Variants in DST observed in about 807,000 individuals in gnomAD.
DST encodes the protein bullous pemphigoid antigen.
DST carries 253 observed loss-of-function variants against 875.2 expected under a neutral mutation model. The ratio of observed to expected loss-of-function variants is 0.29; its 90% confidence interval spans 0.26 to 0.32. The LOEUF is 0.32. Among genes scored for constraint, DST ranks in the 10% least tolerant of loss-of-function variants. DST has a pLI of 1.00. For synonymous variants in DST, 3,124 were observed against 3,197.1 expected (o/e 0.98, Z 0.77); for missense variants, 8,287 against 9,111.6 (o/e 0.91, Z 3.68).
intron 2 of DST, among the ~76,000 whole-genome samples, chr6:56,949,056 T>A: frequency 6.6e-6 from 1 of 152,236 alleles, no homozygotes; most frequent in East Asian, 1.9e-4. Context: ...CATATTCTTA[T>A]AATCCTTACA....
rs77505607 is a variant in DST, at chr6:56,485,926, G to T, written c.21048-455C>A. Among the ~76,000 whole-genome samples, 1,468 of 152,082 alleles carry T rather than the reference G, an allele frequency of 9.7e-3. 31 individuals are homozygous for T. Among genetic ancestry groups the T allele is most frequent in the East Asian group, 0.065 (333 of 5,156 alleles). On this transcript the variant is annotated intron_variant, in intron 87 of 103. Transcript: ENST00000680361. ...CCTCGTGCTGTCTCTTTATAGACAC[G>T]CCCTGCCCCCGCCTTCAAACCCCTA...
At chr6:56,519,358 G>A (rs2096652602) in intron 69 of DST, among the ~76,000 whole-genome samples, 1 of 152,078 alleles carries the variant, frequency 6.6e-6, no homozygotes, top group Admixed American at 6.6e-5. Context: ...AAGGACAAAT[G>A]GGGGGCCTAC....
intron 36 of DST, chr6:56,616,455 T>C: frequency 1.2e-6 from 2 of 1,614,162 alleles, no homozygotes; most frequent in Non-Finnish European, 1.7e-6. Context: ...ACAGAAATTC[T>C]ATGTGTTTTC....
At chr6:56,705,502 C>T (rs2099329523) in intron 5 of DST, among the ~76,000 whole-genome samples, 1 of 152,186 alleles carries the variant, frequency 6.6e-6, no homozygotes, top group South Asian at 2.1e-4. Flanking sequence ...GTCTCTCAGT[C>T]CCCAAAAATA....
intron 49 of DST, among the ~76,000 whole-genome samples, chr6:56,587,147 A>C (rs992093158): frequency 6.6e-6 from 1 of 152,114 alleles, no homozygotes; most frequent in Non-Finnish European, 1.5e-5. Context: ...AAAGGCAAAG[A>C]AGTTGAAAAC....
chr6:56,541,740 G>A (rs1185661231), intron 61 of DST, among the ~76,000 whole-genome samples: 1 of 152,148 alleles, frequency 6.6e-6, no homozygotes, highest in Non-Finnish European at 1.5e-5. Flanking sequence ...AAGGTCATCA[G>A]CAGTGCATCA....
intron 15 of DST, among the ~76,000 whole-genome samples, chr6:56,643,431 G>A: frequency 6.6e-6 from 1 of 152,174 alleles, no homozygotes; most frequent in East Asian, 1.9e-4. Flanking sequence ...CACGCTCCCA[G>A]TAATGTTACT....
chr6:56,483,527 CTTTTTTTTTTTTTTTTTTT>C (rs138042978), intron 88 of DST: 1 of 60,042 alleles, frequency 1.7e-5, no homozygotes, highest in African/African-American at 7.6e-5. Flanking sequence ...TCTGGGTTTG[CTTTTTTTTTTTTTTTTTTT>C]TTTTTTTTTT....
intron 72 of DST, 76 bp from the exon 73 acceptor site, chr6:56,511,476 TC>T: frequency 7.9e-7 from 1 of 1,266,980 alleles, no homozygotes; most frequent in Non-Finnish European, 1.1e-6. Flanking sequence ...CTGCAATGCA[TC>T]CAGCTGGCAA....
Position 56,609,065 on chromosome 6 carries a change from C to T in DST, c.5563G>A (p.Val1855Ile), listed in dbSNP as rs776657668. The T allele has an allele frequency of 2.5e-6, 4 of 1,613,862 alleles. No individual in the cohort carries two copies. In the South Asian group the frequency reaches 3.3e-5, roughly 13 times the overall value. Residue 1855 changes from valine (V) to isoleucine (I), a missense_variant, in exon 40 of 104, where the codon GTA becomes ATA. Val to Ile is a conservative substitution (Grantham distance 29). Around this residue, in one of 10 missense-constraint regions of DST, gnomAD observed 3,138 missense variants for 3,116.6 expected, o/e 1.01. Transcript: ENST00000680361. Reference sequence around the variant, plus strand: ...ATGCTTTGAGCTAGAGCATCCAGTACTGGAATTGTGGTAGGTGACGCAGCA... The same window carrying T: ...ATGCTTTGAGCTAGAGCATCCAGTATTGGAATTGTGGTAGGTGACGCAGCA... ...ISAASPTTIP[V>I]LDALAQSMIT...
At chr6:56,630,108 T>C in intron 31 of DST, 137 bp downstream of exon 31, 1 of 706,780 alleles carries the variant, frequency 1.4e-6, no homozygotes, top group East Asian at 2.6e-5. Flanking sequence ...GAGTAAACTG[T>C]GAGATCACAG....
intron 56 of DST, among the ~76,000 whole-genome samples, chr6:56,561,927 T>G (rs1449897474): frequency 6.6e-6 from 1 of 152,118 alleles, no homozygotes; most frequent in African/African-American, 2.4e-5. Flanking sequence ...AGTGTCAAAC[T>G]GAACAACTTG....
intron 4 of DST, among the ~76,000 whole-genome samples, chr6:56,824,824 G>C (rs887827201): frequency 6.6e-6 from 1 of 152,122 alleles, no homozygotes; most frequent in African/African-American, 2.4e-5. Context: ...CGCCCCGTCT[G>C]AGAAGTGAGG....
chr6:56,597,298 T>C (rs555759771), intron 47 of DST, among the ~76,000 whole-genome samples: 20 of 151,896 alleles, frequency 1.3e-4, no homozygotes, highest in South Asian at 4.2e-4. Context: ...AGAGTGAACA[T>C]ATGGCCTAGT....
At chr6:56,886,716 G>A (rs1784813003) in intron 3 of DST, among the ~76,000 whole-genome samples, 4 of 150,804 alleles carry the variant, frequency 2.7e-5, no homozygotes, top group Admixed American at 2.6e-4. Flanking sequence ...TGGAGTTTGC[G>A]GTGAGCCGGA....
intron 87 of DST, among the ~76,000 whole-genome samples, chr6:56,486,362 CAAAAAAAAAAA>C (rs61164880): frequency 4.1e-4 from 14 of 34,042 alleles, no homozygotes; most frequent in South Asian, 3.5e-3. Flanking sequence ...GACTCCGTCT[CAAAAAAAAAAA>C]AAAAAAAAAA....
At position 56,920,895 on chromosome 6, in the gene DST, AT is replaced by A. The variant is rs35394550; in HGVS notation, c.217-20275del. On this transcript the variant is annotated intron_variant, in intron 2 of 103. Transcript: ENST00000680361. ...AGGAACACACAACCACGCCCAGCTA[AT>A]TTTTTTTTTTTTTTTTTTTTTTTTT... 5.0e-3 allele frequency among the ~76,000 whole-genome samples: 300 copies of A among 59,682 alleles called. 1 individual carries two copies. Among genetic ancestry groups the A allele is most frequent in the Middle Eastern group, 0.014 (1 of 70 alleles). 39.2% of individuals were successfully genotyped at this position (59,682 alleles called of 152,430 possible).
intron 36 of DST, among the ~76,000 whole-genome samples, chr6:56,623,382 T>C (rs2098707322): frequency 6.6e-6 from 1 of 152,178 alleles, no homozygotes; most frequent in South Asian, 2.1e-4. Context: ...ACTAAAAATA[T>C]AAGAAAATTA....
At position 56,843,731 on chromosome 6, in the gene DST, A is replaced by AGG. The variant is rs2099803627; in HGVS notation, c.625+7665_625+7666insCC. 6 of 58,004 alleles carry AGG rather than the reference A, an allele frequency of 1.0e-4. No individual in the cohort carries two copies. In the South Asian group the frequency reaches 2.7e-3, roughly 26 times the overall value. 3.6% of individuals were successfully genotyped at this position (58,004 alleles called of 1,614,324 possible). A position where few individuals can be genotyped will look rare whatever the true frequency, so the allele number is the denominator to read the frequency against. On this transcript the variant is annotated intron_variant, in intron 4 of 103. Coordinates refer to ENST00000680361, the MANE Select transcript of DST (RefSeq NM_001374736.1). ...GGAGGGTGGAGGGTGGAGGGTGGAG[A>AGG]GTGGAGGGTGGAGGGTGGAGGGTGG...
Sources: gnomAD v4.1 joint callset for allele counts (sites outside exome capture counted in the v4.1 genomes callset) on GRCh38, gnomAD v4.1.1 for gene constraint, gnomAD v4.1.1 regional missense constraint, MANE v1.5 for transcripts, NCBI Gene and HGNC (gene_info 2026-07-23, HGNC 2026-07-21) for gene names.